Variants in NUSAP1 observed in about 807,000 individuals in gnomAD.
NUSAP1 encodes nucleolar and spindle associated protein 1, also known as nucleolar and spindle-associated protein 1.
Under a neutral mutation model 52.8 loss-of-function variants are expected in NUSAP1, and 32 were observed. The observed-to-expected ratio is 0.61, with a 90% CI of 0.46 to 0.81. NUSAP1 has a LOEUF of 0.81. Ranked by LOEUF, NUSAP1 falls within the 40% of genes least tolerant of loss-of-function variation. The pLI is 0.00. For synonymous variants in NUSAP1, 195 were observed against 183.1 expected (o/e 1.06, Z -0.52); for missense variants, 499 against 522.3 (o/e 0.96, Z 0.43).
chr15:41,344,289 T>C (rs1464794877), intron 2 of NUSAP1: 1 of 150,378 alleles, frequency 6.6e-6, no homozygotes, highest in Admixed American at 6.6e-5. Flanking sequence ...AACTCAAAGG[T>C]ACTGCTTCTA....
chr15:41,357,558 C>T (rs1222136349), intron 5 of NUSAP1, among the ~76,000 whole-genome samples: 1 of 151,788 alleles, frequency 6.6e-6, no homozygotes, highest in Non-Finnish European at 1.5e-5. Flanking sequence ...ATTCTCCTGC[C>T]TCAGTGTCCC....
At chr15:41,345,649 G>GTCA in intron 2 of NUSAP1, 4 of 262,802 alleles carry the variant, frequency 1.5e-5, no homozygotes, top group South Asian at 1.3e-4. Flanking sequence ...AGTAGAGACG[G>GTCA]GGTTTCACAT....
chr15:41,342,368 A>G lies in NUSAP1; in HGVS notation c.94-18A>G. 1.3e-6 allele frequency: 2 copies of G among 1,542,462 alleles called. No homozygotes were observed. The highest frequency in any genetic ancestry group is 1.8e-6 in the Non-Finnish European group (2 of 1,130,580). ...GTTTATTTGACTTTTGGCTCTAATA[A>G]TAAGGTCTCTCTTGCAGGCAACCAA... On this transcript the variant is annotated intron_variant, in intron 1 of 10. Coordinates refer to ENST00000559596, the MANE Select transcript of NUSAP1 (RefSeq NM_016359.5).
At chr15:41,366,239 C>T (rs1047039561) in intron 7 of NUSAP1, among the ~76,000 whole-genome samples, 1 of 152,018 alleles carries the variant, frequency 6.6e-6, no homozygotes, top group African/African-American at 2.4e-5. Context: ...AACCAAAGTG[C>T]TGGGATTACA....
intron 2 of NUSAP1, chr15:41,343,285 A>C (rs1375144959): frequency 1.3e-5 from 2 of 152,230 alleles, no homozygotes; most frequent in African/African-American, 4.8e-5. Flanking sequence ...CCCACAGCAA[A>C]GATTTTTGAT....
chr15:41,378,372 C>T (rs908402827), intron 10 of NUSAP1, among the ~76,000 whole-genome samples: 2 of 152,198 alleles, frequency 1.3e-5, no homozygotes, highest in African/African-American at 4.8e-5. Flanking sequence ...AGCCAGAGCT[C>T]ATCCTGGGTT....
intron 1 of NUSAP1, among the ~76,000 whole-genome samples, chr15:41,340,934 T>C (rs1205716244): frequency 2.6e-5 from 4 of 152,138 alleles, no homozygotes; most frequent in Non-Finnish European, 5.9e-5. Context: ...ACTGGACACA[T>C]GGCCCATGAT....
At chr15:41,344,889 C>A (rs530465875) in intron 2 of NUSAP1, among the ~76,000 whole-genome samples, 13 of 151,796 alleles carry the variant, frequency 8.6e-5, no homozygotes, top group African/African-American at 3.1e-4. Flanking sequence ...CGCAGTGAGC[C>A]AAGATTACGC....
At chr15:41,355,268 G>T (rs2048923894) in intron 4 of NUSAP1, among the ~76,000 whole-genome samples, 1 of 151,544 alleles carries the variant, frequency 6.6e-6, no homozygotes, top group South Asian at 2.1e-4. Context: ...CACCTCCTGG[G>T]TTCAAGCGAT....
Position 41,351,127 on chromosome 15 carries a change from C to T in NUSAP1, c.446C>T (p.Ser149Leu), listed in dbSNP as rs773955590. Residue 149 changes from serine to leucine, a missense_variant and splice_region_variant, in exon 4 of 11, where the codon TCA becomes TTA. Physicochemically the swap from Ser to Leu is moderately radical, Grantham distance 145 (BLOSUM62 -2). Transcript: ENST00000559596. ...EHQEAENAVS[S>L]GNRDSKVPSE... ...CAAGAAGCTGAGAATGCTGTTTCCT[C>T]AGGTAAACGTGGAATAAATGGTATG... 2.5e-6 allele frequency: 4 copies of T among 1,608,424 alleles called. No individual in the cohort carries two copies. Among genetic ancestry groups the T allele is most frequent in the Non-Finnish European group, 3.4e-6 (4 of 1,178,698 alleles).
At chr15:41,356,595 C>T (rs1022600826) in intron 5 of NUSAP1, among the ~76,000 whole-genome samples, 9 of 152,014 alleles carry the variant, frequency 5.9e-5, no homozygotes, top group Admixed American at 3.3e-4. Flanking sequence ...CCTCATGATC[C>T]GCCTGCCTCG....
At chr15:41,358,488 G>T (rs142160939) in intron 6 of NUSAP1, among the ~76,000 whole-genome samples, 1 of 152,120 alleles carries the variant, frequency 6.6e-6, no homozygotes, top group African/African-American at 2.4e-5. Flanking sequence ...TGTAATCCCC[G>T]CACTTTGGGA....
At chr15:41,349,790 G>A (rs1157876208) in intron 3 of NUSAP1, among the ~76,000 whole-genome samples, 2 of 121,868 alleles carry the variant, frequency 1.6e-5, no homozygotes, top group African/African-American at 3.1e-5. Context: ...TTTTGAGACA[G>A]AGTTTCACTC....
chr15:41,350,493 G>A (rs373341943), intron 3 of NUSAP1, among the ~76,000 whole-genome samples: 2 of 151,956 alleles, frequency 1.3e-5, no homozygotes, highest in African/African-American at 2.4e-5. Flanking sequence ...ACCAGGGGTC[G>A]GGGGGAGGGT....
chr15:41,345,460 TTTTC>T (rs935255858), intron 2 of NUSAP1: 6 of 423,780 alleles, frequency 1.4e-5, no homozygotes, highest in South Asian at 3.4e-5. Flanking sequence ...TCACCTATTT[TTTTC>T]TTTCTTTTTT....
intron 8 of NUSAP1, among the ~76,000 whole-genome samples, chr15:41,372,904 A>G (rs1390115981): frequency 6.6e-6 from 1 of 152,132 alleles, no homozygotes; most frequent in Admixed American, 6.6e-5. Flanking sequence ...CCTGGCCAAC[A>G]TGGTGAAACC....
intron 1 of NUSAP1, among the ~76,000 whole-genome samples, chr15:41,336,648 G>GTTTTTTTTTGTTTTTT (rs1939843643): frequency 2.2e-5 from 2 of 91,372 alleles, no homozygotes; most frequent in African/African-American, 8.0e-5. Context: ...CCTCCTTTTG[G>GTTTTTTTTTGTTTTTT]TTTTTTTTTT....
intron 7 of NUSAP1, among the ~76,000 whole-genome samples, chr15:41,368,293 C>T (rs189361519): frequency 1.3e-5 from 2 of 152,258 alleles, no homozygotes; most frequent in Admixed American, 6.5e-5. Flanking sequence ...ACTAAGAATA[C>T]AGGCATAAAC....
At chr15:41,333,592 A>T (rs2048003993) in intron 1 of NUSAP1, among the ~76,000 whole-genome samples, 1 of 152,206 alleles carries the variant, frequency 6.6e-6, no homozygotes, top group African/African-American at 2.4e-5. Context: ...TCTCTATCAA[A>T]ACCAGTAAGG....
Sources: allele counts gnomAD v4.1 joint callset (sites outside exome capture counted in the v4.1 genomes callset), GRCh38; gene constraint gnomAD v4.1.1; transcripts MANE v1.5; gene names NCBI Gene and HGNC (gene_info 2026-07-23, HGNC 2026-07-21).